The following RBM25 variants were observed in gnomAD, a reference collection of about 807,000 sequenced individuals.
RBM25 encodes the protein RNA-binding protein 25.
A neutral mutation model predicts 120.7 loss-of-function variants in RBM25; 19 were observed. That is an observed-to-expected ratio of 0.16 (90% CI 0.11 to 0.23). RBM25 has a LOEUF of 0.23. Among genes scored for constraint, RBM25 ranks in the 10% least tolerant of loss-of-function variants. RBM25 has a pLI of 1.00. For synonymous variants in RBM25, 390 were observed against 326.7 expected (o/e 1.19, Z -2.09); for missense variants, 605 against 1,041.5 (o/e 0.58, Z 5.77).
chr14:73,060,402 G>A (rs1389981081), intron 1 of RBM25, among the ~76,000 whole-genome samples: 8 of 151,368 alleles, frequency 5.3e-5, no homozygotes, highest in African/African-American at 1.9e-4. Flanking sequence ...GACCTAACAG[G>A]AATTTGGAAT....
intron 16 of RBM25, 148 bp from the exon 17 acceptor site, chr14:73,112,004 A>G: frequency 1.0e-6 from 1 of 1,004,112 alleles, no homozygotes; most frequent in Non-Finnish European, 1.5e-6. Context: ...ACTTACTAAA[A>G]GCAGATGATT....
rs1250378705 is a variant in RBM25 at position 73,106,260 on chromosome 14, G to A, written c.1442G>A (p.Arg481Lys). The change falls in exon 12 of 19, where the codon AGA (arginine) becomes AAA (lysine). Residue 481 changes from arginine (R) to lysine (K), a missense_variant. Transcript: ENST00000261973. Reference sequence around the variant, plus strand: ...CGGGAATATGAGAAAGAAGCTGAAAGAGAAGAAGAAAGAAGAAGAGAAATG... The same window carrying A: ...CGGGAATATGAGAAAGAAGCTGAAAAAGAAGAAGAAAGAAGAAGAGAAATG... ...KTREYEKEAE[R>K]EEERRREMAK... 1 of 1,599,586 alleles carries A rather than the reference G, an allele frequency of 6.3e-7. No individual in the cohort carries two copies. Among genetic ancestry groups the A allele is most frequent in the Admixed American group, 1.8e-5 (1 of 56,568 alleles).
intron 2 of RBM25, among the ~76,000 whole-genome samples, chr14:73,075,262 A>G (rs922987858): frequency 6.6e-6 from 1 of 151,892 alleles, no homozygotes; most frequent in Admixed American, 6.6e-5. Context: ...CCCGGGTTCA[A>G]GCAATTCTGC....
intron 4 of RBM25, among the ~76,000 whole-genome samples, chr14:73,080,823 CTT>C (rs35197238): frequency 4.6e-4 from 64 of 139,846 alleles, no homozygotes; most frequent in Admixed American, 4.3e-4. Flanking sequence ...TTCTTTCTTT[CTT>C]TTTTTTTTTT....
chr14:73,097,287 G>A (rs1263958545), intron 7 of RBM25, among the ~76,000 whole-genome samples, 187 bp downstream of exon 7: 4 of 130,232 alleles, frequency 3.1e-5, no homozygotes, highest in Non-Finnish European at 4.6e-5. Flanking sequence ...TGTAACCTCC[G>A]CCTCCGGGGT....
chr14:73,068,481 G>T, intron 1 of RBM25: 2 of 875,610 alleles, frequency 2.3e-6, no homozygotes, highest in Non-Finnish European at 1.8e-6. Flanking sequence ...AAGTTTTGAC[G>T]TATTGTCAGT....
At chr14:73,077,591 AACTT>A in intron 4 of RBM25, 55 bp downstream of exon 4, 4 of 1,429,234 alleles carry the variant, frequency 2.8e-6, no homozygotes, top group Non-Finnish European at 3.7e-6. Context: ...CTACATTTCA[AACTT>A]AAGCAGAAAG....
At chr14:73,086,731 G>T (rs555728764) in intron 5 of RBM25, among the ~76,000 whole-genome samples, 1 of 152,084 alleles carries the variant, frequency 6.6e-6, no homozygotes, top group East Asian at 1.9e-4. Context: ...TTGAGACAGG[G>T]TCTCTGTCTG....
At chr14:73,108,357 C>A (rs993167307) in intron 13 of RBM25, among the ~76,000 whole-genome samples, 1 of 152,076 alleles carries the variant, frequency 6.6e-6, no homozygotes, top group African/African-American at 2.4e-5. Flanking sequence ...TGTGCTAGGT[C>A]CAATTTTTAT....
chr14:73,111,510 A>G lies in RBM25; in HGVS notation c.2018-18A>G, dbSNP rs1896309183. 1 of 1,569,838 alleles carries G rather than the reference A, an allele frequency of 6.4e-7. No homozygotes were observed. Among genetic ancestry groups the G allele is most frequent in the Admixed American group, 2.0e-5 (1 of 49,570 alleles). On this transcript the variant is annotated intron_variant, in intron 15 of 18. Transcript: ENST00000261973. Reference sequence around the variant, plus strand: ...TTGGAAATTAAGTCATCTTGCTAAGAGAGTGTTTTTACTGTAGGTGCTTCC... The same window carrying G: ...TTGGAAATTAAGTCATCTTGCTAAGGGAGTGTTTTTACTGTAGGTGCTTCC...
In RBM25 at chr14:73,121,145, G is replaced by A. The variant is rs1047614188; in HGVS notation, c.*1340G>A. The A allele has an allele frequency of 1.4e-4, 21 of 151,698 alleles. No individual in the cohort carries two copies. The highest frequency in any genetic ancestry group is 5.1e-4 in the African/African-American group (21 of 41,316). The allele number at this position is 151,698 out of a possible 1,614,324, so 9.4% of individuals were successfully genotyped here. On this transcript the variant is annotated 3_prime_UTR_variant, in exon 19 of 19. Coordinates refer to ENST00000261973, the MANE Select transcript of RBM25 (RefSeq NM_021239.3). ...TGTCTGAGTACTTATTTAAAAGAAAGGTAAAGATTGGCCTGTTAGAAAAAG... is the reference window on the plus strand; with the variant it reads ...TGTCTGAGTACTTATTTAAAAGAAAAGTAAAGATTGGCCTGTTAGAAAAAG...
chr14:73,106,633 G>A (rs571170606), intron 12 of RBM25, among the ~76,000 whole-genome samples: 1 of 151,994 alleles, frequency 6.6e-6, no homozygotes, highest in African/African-American at 2.4e-5. Context: ...TTGAAATTCC[G>A]TAAGTTAAGA....
intron 3 of RBM25, 83 bp from the exon 4 acceptor site, chr14:73,077,286 A>T: frequency 8.3e-7 from 1 of 1,208,356 alleles, no homozygotes; most frequent in Non-Finnish European, 1.2e-6. Context: ...ATATTTATTT[A>T]ATCCTGATGT....
At chr14:73,068,354 C>T in intron 1 of RBM25, 2 of 700,958 alleles carry the variant, frequency 2.9e-6, no homozygotes, top group Non-Finnish European at 2.6e-6. Context: ...TGGCAGTGAG[C>T]AGCATTTAAT....
chr14:73,092,184 C>T (rs1319487002), intron 6 of RBM25, among the ~76,000 whole-genome samples: 2 of 139,720 alleles, frequency 1.4e-5, no homozygotes, highest in African/African-American at 2.7e-5. Flanking sequence ...AGAGATTTGC[C>T]ATGATTTTTT....
chr14:73,069,746 TAAAAAAAAAAAAAAAAAAAAAA>T (rs57669015), intron 1 of RBM25: 3 of 44,162 alleles, frequency 6.8e-5, no homozygotes, highest in South Asian at 2.5e-3. Context: ...CCCTGTTTCT[TAAAAAAAAAAAAAAAAAAAAAA>T]AAAAAAAAAA....
At chr14:73,084,203 T>C (rs1895631794) in intron 5 of RBM25, among the ~76,000 whole-genome samples, 1 of 152,146 alleles carries the variant, frequency 6.6e-6, no homozygotes, top group South Asian at 2.1e-4. Flanking sequence ...TGACCTCAAA[T>C]GTTAATTTTT....
At chr14:73,062,782 C>T (rs539972173) in intron 1 of RBM25, among the ~76,000 whole-genome samples, 6 of 151,098 alleles carry the variant, frequency 4.0e-5, no homozygotes, top group East Asian at 1.9e-4. Flanking sequence ...GTGTGACCAC[C>T]GCTACACTAG....
intron 5 of RBM25, among the ~76,000 whole-genome samples, chr14:73,086,013 A>G (rs1042425968): frequency 6.6e-6 from 1 of 150,636 alleles, no homozygotes; most frequent in African/African-American, 2.4e-5. Context: ...CACCTTTGAC[A>G]GCTGCTTTGT....
Sources: allele counts gnomAD v4.1 joint callset (sites outside exome capture counted in the v4.1 genomes callset), GRCh38; gene constraint gnomAD v4.1.1; transcripts MANE v1.5; gene names NCBI Gene and HGNC (gene_info 2026-07-23, HGNC 2026-07-21).